ANO4: variants seen among roughly 807,000 people sequenced by gnomAD.
The protein encoded by ANO4 is anoctamin-4.
ANO4 carries 69 observed loss-of-function variants against 141.9 expected under a neutral mutation model. The observed-to-expected ratio is 0.49, with a 90% confidence interval of 0.40 to 0.59. ANO4 has a LOEUF of 0.59. ANO4 is among the 20% of genes least tolerant of loss of function. The pLI, the probability that ANO4 is intolerant of heterozygous loss-of-function variation, is 0.00. For synonymous variants in ANO4, 350 were observed against 394.3 expected (o/e 0.89, Z 1.33); for missense variants, 894 against 1,162.2 (o/e 0.77, Z 3.36).
At chr12:100,932,515 G>A (rs951476352) in intron 3 of ANO4, among the ~76,000 whole-genome samples, 3 of 151,932 alleles carry the variant, frequency 2.0e-5, no homozygotes, top group Non-Finnish European at 2.9e-5. Flanking sequence ...TAATTAGTTC[G>A]TCCATTTATT....
intron 3 of ANO4, among the ~76,000 whole-genome samples, chr12:100,744,306 A>C (rs147990069): frequency 2.0e-5 from 3 of 152,266 alleles, no homozygotes; most frequent in African/African-American, 7.2e-5. Context: ...GGTGGCTTAA[A>C]CAACAAACGT....
intron 1 of ANO4, among the ~76,000 whole-genome samples, chr12:100,894,723 T>G (rs778112326): frequency 1.3e-5 from 2 of 151,896 alleles, no homozygotes; most frequent in Non-Finnish European, 2.9e-5. Flanking sequence ...CCAGAAAACT[T>G]TGGGAGGCCG....
intron 14 of ANO4, among the ~76,000 whole-genome samples, chr12:101,062,501 G>C (rs1173963554): frequency 6.6e-6 from 1 of 152,206 alleles, no homozygotes; most frequent in Non-Finnish European, 1.5e-5. Flanking sequence ...GCTTCCCCCA[G>C]GTGCTCTGTC....
At chr12:100,809,867 G>C (rs115178946) in intron 1 of ANO4, among the ~76,000 whole-genome samples, 1,962 of 152,262 alleles carry the variant, frequency 0.013, 50 homozygotes, top group African/African-American at 0.045. Flanking sequence ...GGCCCAGTTA[G>C]AGACTGTTTT....
At chr12:100,907,028 A>G (rs1160809696) in intron 2 of ANO4, among the ~76,000 whole-genome samples, 1 of 152,156 alleles carries the variant, frequency 6.6e-6, no homozygotes, top group African/African-American at 2.4e-5. Context: ...ATGTTGGACA[A>G]TTGTCTTCAG....
At chr12:100,987,704 A>G (rs2044774852) in intron 8 of ANO4, 34 bp downstream of exon 8, 1 of 1,610,156 alleles carries the variant, frequency 6.2e-7, no homozygotes, top group African/African-American at 1.3e-5. Flanking sequence ...CATCTCACTA[A>G]GGATGTGCAG....
At chr12:101,116,921 C>T in intron 25 of ANO4, 123 bp downstream of exon 25, 3 of 1,275,222 alleles carry the variant, frequency 2.4e-6, no homozygotes, top group Non-Finnish European at 2.2e-6. Context: ...CTCAACAGTG[C>T]ATTAAAAGCA....
chr12:100,835,337 T>C (rs2036852184), intron 1 of ANO4, among the ~76,000 whole-genome samples: 1 of 152,106 alleles, frequency 6.6e-6, no homozygotes. Context: ...GCATAATGTG[T>C]GAGAAGGAGC....
Position 101,126,963 on chromosome 12 carries a change from A to T in ANO4, c.2761A>T (p.Lys921Ter). 1 of 1,614,166 alleles carries T rather than the reference A, an allele frequency of 6.2e-7. No individual in the cohort carries two copies. Among genetic ancestry groups the T allele is most frequent in the South Asian group, 1.1e-5 (1 of 91,082 alleles). The change falls in exon 27 of 28, where the codon AAG (lysine) becomes TAG (stop). Residue 921 changes from lysine (K) to a stop codon, truncating the protein, a stop_gained. Coordinates refer to ENST00000392977, the MANE Select transcript of ANO4 (RefSeq NM_001286615.2). LOFTEE classifies it high-confidence loss of function. Reference protein sequence around the residue: ...KDLRDRMRREKYLIQEMMYEA... With the variant: ...KDLRDRMRRE ...CCTAAGGGATCGAATGAGAAGAGAG[A>T]AGTACTTGATTCAGGAGATGATGTA...
chr12:100,839,268 G>A (rs1044122026), intron 1 of ANO4, among the ~76,000 whole-genome samples: 7 of 152,148 alleles, frequency 4.6e-5, no homozygotes, highest in Non-Finnish European at 8.8e-5. Flanking sequence ...GAGATAATAT[G>A]TGATCTCTCT....
chr12:101,032,693 T>G (rs1401495517), intron 9 of ANO4, among the ~76,000 whole-genome samples: 1 of 151,590 alleles, frequency 6.6e-6, no homozygotes, highest in Non-Finnish European at 1.5e-5. Context: ...AAGACATTTA[T>G]GCAGCCAAAA....
Position 100,975,067 on chromosome 12 carries a change from C to T in ANO4, c.602+178C>T, listed in dbSNP as rs1448690184. Among the ~76,000 whole-genome samples the T allele has an allele frequency of 3.9e-5, 6 of 152,104 alleles. No homozygotes were observed. The South Asian group carries it at 8.3e-4, about 21-fold the overall frequency. On this transcript the variant is annotated intron_variant, in intron 7 of 27. Coordinates refer to ENST00000392977, the MANE Select transcript of ANO4 (RefSeq NM_001286615.2). Reference sequence around the variant, plus strand: ...GCCTGAGGAGAAAAAAAGATGAAAACGTCCCTCTCCGCGTCTTCCCAGTAA... The same window carrying T: ...GCCTGAGGAGAAAAAAAGATGAAAATGTCCCTCTCCGCGTCTTCCCAGTAA...
intron 22 of ANO4, among the ~76,000 whole-genome samples, chr12:101,106,477 AATG>A (rs1015316591): frequency 1.3e-5 from 2 of 151,694 alleles, no homozygotes; most frequent in Non-Finnish European, 2.9e-5. Context: ...AATTGTAAAT[AATG>A]ATATTATGTA....
rs140505571 is a variant in ANO4 at position 101,028,562 on chromosome 12, G to A, written c.841+8422G>A. Among the ~76,000 whole-genome samples, 96 of 152,182 alleles carry A rather than the reference G, an allele frequency of 6.3e-4. No individual in the cohort carries two copies. In the East Asian group the frequency reaches 0.018, roughly 28 times the overall value. On this transcript the variant is annotated intron_variant, in intron 9 of 27. Transcript: ENST00000392977. The stretch of plus-strand genomic sequence containing the variant: ...GTATCAGTAGCTGAATTGACCAAGA[G>A]GAAGAAAGGATATCAGAGTTTGAAG...
intron 2 of ANO4, among the ~76,000 whole-genome samples, chr12:100,918,502 C>T (rs929636118): frequency 5.3e-5 from 8 of 152,120 alleles, no homozygotes; most frequent in Admixed American, 1.3e-4. Flanking sequence ...AGTCATGCAC[C>T]GCATGATGAC....
At chr12:101,064,659 G>GTAT (rs759340286) in intron 14 of ANO4, among the ~76,000 whole-genome samples, 44 of 107,258 alleles carry the variant, frequency 4.1e-4, no homozygotes, top group Non-Finnish European at 7.1e-4. Flanking sequence ...AGAACTTAAA[G>GTAT]TATTATAATA....
chr12:100,962,056 G>A (rs1181599051), intron 5 of ANO4, among the ~76,000 whole-genome samples: 1 of 152,218 alleles, frequency 6.6e-6, no homozygotes, highest in Non-Finnish European at 1.5e-5. Context: ...AATGAAATGT[G>A]TGAAGATTTG....
intron 1 of ANO4, among the ~76,000 whole-genome samples, chr12:100,871,031 C>T (rs541969223): frequency 5.7e-4 from 86 of 152,112 alleles, no homozygotes; most frequent in Non-Finnish European, 1.1e-3. Flanking sequence ...ACTTATACCT[C>T]TTAACATCAC....
chr12:100,815,541 C>T (rs2035684181), intron 1 of ANO4, among the ~76,000 whole-genome samples: 1 of 151,946 alleles, frequency 6.6e-6, no homozygotes, highest in African/African-American at 2.4e-5. Flanking sequence ...TACTATACTG[C>T]CATTTACTTT....
Sources: gnomAD v4.1 joint callset for allele counts (sites outside exome capture counted in the v4.1 genomes callset) on GRCh38, gnomAD v4.1.1 for gene constraint, MANE v1.5 for transcripts, NCBI Gene and HGNC (gene_info 2026-07-23, HGNC 2026-07-21) for gene names.